Variants in NRG1 observed in about 807,000 individuals in gnomAD.
NRG1 encodes neuregulin 1.
A neutral mutation model predicts 63.8 loss-of-function variants in NRG1; 18 were observed. The observed-to-expected ratio is 0.28, with a 90% CI of 0.19 to 0.42. The LOEUF (loss-of-function observed/expected upper bound fraction) is 0.42. Ranked by LOEUF, NRG1 falls within the 10% of genes least tolerant of loss-of-function variation. The pLI, the probability that NRG1 is intolerant of heterozygous loss-of-function variation, is 1.00. For synonymous variants in NRG1, 302 were observed against 301.3 expected, an observed-to-expected ratio of 1.00 and a Z score of -0.02; for missense variants, 762 against 814.7, an observed-to-expected ratio of 0.94 and a Z score of 0.79.
chr8:31,964,402 G>T (rs762987141), intron 1 of NRG1, among the ~76,000 whole-genome samples: 15 of 152,198 alleles, frequency 9.9e-5, no homozygotes, highest in Non-Finnish European at 2.1e-4. Flanking sequence ...GGGTGCACTG[G>T]CTCATGCCTG....
chr8:32,188,430 T>G (rs1842175676), intron 1 of NRG1, among the ~76,000 whole-genome samples: 1 of 152,158 alleles, frequency 6.6e-6, no homozygotes, highest in Non-Finnish European at 1.5e-5. Flanking sequence ...TGACAAGACA[T>G]GCTCCTGCCA....
intron 1 of NRG1, among the ~76,000 whole-genome samples, chr8:31,696,373 G>C (rs893229625): frequency 6.6e-6 from 1 of 152,200 alleles, no homozygotes; most frequent in Non-Finnish European, 1.5e-5. Flanking sequence ...GGTCTATTGA[G>C]TGTTTAGTAT....
intron 5 of NRG1, among the ~76,000 whole-genome samples, chr8:32,715,112 A>G (rs1425239277): frequency 3.3e-5 from 5 of 151,980 alleles, no homozygotes; most frequent in East Asian, 1.9e-4. Flanking sequence ...ACGCACCACC[A>G]TGCTCAGCTA....
At chr8:31,739,566 C>T (rs756445849) in intron 1 of NRG1, among the ~76,000 whole-genome samples, 9 of 151,976 alleles carry the variant, frequency 5.9e-5, no homozygotes, top group South Asian at 2.1e-4. Flanking sequence ...TGTGTAACTA[C>T]GACTCTGTGT....
At chr8:32,232,601 T>G (rs1032961144) in intron 1 of NRG1, among the ~76,000 whole-genome samples, 1 of 152,122 alleles carries the variant, frequency 6.6e-6, no homozygotes. Flanking sequence ...GGCCTATAAC[T>G]CATATCAGGT....
chr8:31,846,812 C>A (rs561907060), intron 1 of NRG1, among the ~76,000 whole-genome samples: 1 of 152,150 alleles, frequency 6.6e-6, no homozygotes, highest in African/African-American at 2.4e-5. Context: ...GAATATTAAA[C>A]ATGATGTGTT....
intron 1 of NRG1, among the ~76,000 whole-genome samples, chr8:32,272,151 TG>T (rs1851614820): frequency 1.3e-5 from 2 of 152,332 alleles, no homozygotes; most frequent in East Asian, 1.9e-4. Flanking sequence ...CAAAGACATT[TG>T]TTTCCCACCA....
At chr8:32,580,021 G>A (rs66758086) in intron 1 of NRG1, among the ~76,000 whole-genome samples, 39,471 of 151,916 alleles carry the variant, frequency 0.26, 5,259 homozygotes, top group South Asian at 0.33. Flanking sequence ...GATTCACACC[G>A]TTAGATTGGG....
intron 1 of NRG1, among the ~76,000 whole-genome samples, chr8:32,062,244 C>G (rs1200919426): frequency 1.3e-5 from 2 of 152,090 alleles, no homozygotes; most frequent in African/African-American, 4.8e-5. Context: ...TTCTTCAGAG[C>G]AGAGCCTGCT....
At chr8:32,490,468 T>G (rs936765253) in intron 1 of NRG1, among the ~76,000 whole-genome samples, 2 of 137,648 alleles carry the variant, frequency 1.5e-5, no homozygotes, top group South Asian at 2.4e-4. Flanking sequence ...CATAATGATA[T>G]GCAGGACTGT....
chr8:31,805,666 A>G (rs1039953915), intron 1 of NRG1, among the ~76,000 whole-genome samples: 1 of 151,834 alleles, frequency 6.6e-6, no homozygotes, highest in African/African-American at 2.4e-5. Flanking sequence ...GTGTCTACTA[A>G]AAATACAAAA....
At chr8:32,310,635 G>A (rs1449731025) in intron 1 of NRG1, among the ~76,000 whole-genome samples, 2 of 152,186 alleles carry the variant, frequency 1.3e-5, no homozygotes, top group African/African-American at 2.4e-5. Context: ...TGCAGGAGAA[G>A]TCTAAGAATT....
At chr8:32,560,426 A>G (rs1836168931) in intron 1 of NRG1, among the ~76,000 whole-genome samples, 1 of 152,216 alleles carries the variant, frequency 6.6e-6, no homozygotes, top group Admixed American at 6.5e-5. Flanking sequence ...ATGTTGTCAT[A>G]TCACCAGGTG....
chr8:32,100,893 G>A (rs1830487153), intron 1 of NRG1, among the ~76,000 whole-genome samples: 1 of 152,080 alleles, frequency 6.6e-6, no homozygotes, highest in East Asian at 1.9e-4. Flanking sequence ...ATGCGCCATG[G>A]TATTTTGAGC....
At position 32,026,825 on chromosome 8, in the gene NRG1, A is replaced by G. The variant is rs192095113; in HGVS notation, c.37+387394A>G. Among the ~76,000 whole-genome samples, 9 of 152,176 alleles carry G rather than the reference A, an allele frequency of 5.9e-5. No homozygotes were observed. In the East Asian group the frequency reaches 1.7e-3, roughly 29 times the overall value. ...TTTATTTTCATTTGTTAAATTCTCTACTTCAGGAATATCTGTTAACATTGT... is the reference window on the plus strand; with the variant it reads ...TTTATTTTCATTTGTTAAATTCTCTGCTTCAGGAATATCTGTTAACATTGT... On this transcript the variant is annotated intron_variant, in intron 1 of 10. Transcript: ENST00000519301.
chr8:31,937,456 G>A (rs970972950), intron 1 of NRG1, among the ~76,000 whole-genome samples: 12 of 152,112 alleles, frequency 7.9e-5, no homozygotes, highest in Non-Finnish European at 1.3e-4. Flanking sequence ...AGAGGTAAAG[G>A]TAAGAAACAC....
At chr8:31,993,135 G>A (rs1811365149) in intron 1 of NRG1, among the ~76,000 whole-genome samples, 1 of 152,042 alleles carries the variant, frequency 6.6e-6, no homozygotes, top group Non-Finnish European at 1.5e-5. Flanking sequence ...TACAAAGTCT[G>A]TGGGGTTGAC....
At chr8:32,697,601 TA>T (rs1413410041) in intron 5 of NRG1, among the ~76,000 whole-genome samples, 1 of 152,180 alleles carries the variant, frequency 6.6e-6, no homozygotes, top group Non-Finnish European at 1.5e-5. Flanking sequence ...TAAAATTCTC[TA>T]AAAGAGAGAA....
chr8:32,760,462 T>A, intron 11 of NRG1, 56 bp downstream of exon 11: 1 of 1,607,286 alleles, frequency 6.2e-7, no homozygotes, highest in Admixed American at 1.7e-5. Context: ...AGAATCCCTG[T>A]GAGCACCTGC....
Sources: gnomAD v4.1 joint callset for allele counts (sites outside exome capture counted in the v4.1 genomes callset) on GRCh38, gnomAD v4.1.1 for gene constraint, MANE v1.5 for transcripts, NCBI Gene and HGNC (gene_info 2026-07-23, HGNC 2026-07-21) for gene names.